The following NRXN1 variants were observed in gnomAD, a reference collection of about 807,000 sequenced individuals.
NRXN1 encodes neurexin 1, also known as neurexin-1.
A neutral mutation model predicts 150.9 loss-of-function variants in NRXN1; 39 were observed. The observed-to-expected ratio is 0.26, with a 90% confidence interval of 0.20 to 0.34. The LOEUF is 0.34. Among genes scored for constraint, NRXN1 ranks in the 10% least tolerant of loss-of-function variants. The pLI is 1.00. For missense variants in NRXN1, 1,815 were observed against 1,949.9 expected, an observed-to-expected ratio of 0.93 and a Z score of 1.30; for synonymous variants, 924 against 757.0, an observed-to-expected ratio of 1.22 and a Z score of -3.62.
chr2:50,666,870 ATGATGATGATG>A (rs1384457952), intron 5 of NRXN1, among the ~76,000 whole-genome samples: 1 of 85,468 alleles, frequency 1.2e-5, no homozygotes, highest in Non-Finnish European at 2.5e-5. Context: ...GATGATGATG[ATGATGATGATG>A]TGTGTGTGTG....
In NRXN1 at chr2:51,028,595, G is replaced by A. The variant is rs200534421; in HGVS notation, c.-322C>T. ...GGCTTCAACAAAAGATCAAGGGAAA[G>A]CACTGACCCATTTGAGTCTGATTAA... On this transcript the variant is annotated 5_prime_UTR_variant, in exon 2 of 23. Transcript: ENST00000401669. 3 of 299,856 alleles carry A rather than the reference G, an allele frequency of 1.0e-5. No homozygotes were observed. The highest frequency in any genetic ancestry group is 1.2e-5 in the Non-Finnish European group (2 of 163,472). 18.6% of individuals were successfully genotyped at this position (299,856 alleles called of 1,614,324 possible).
chr2:50,350,719 T>C (rs2078347976), intron 17 of NRXN1, among the ~76,000 whole-genome samples: 1 of 152,168 alleles, frequency 6.6e-6, no homozygotes. Context: ...ATTAGGAAGA[T>C]GCTTCCCCTC....
At chr2:50,542,319 G>A (rs897546975) in intron 9 of NRXN1, among the ~76,000 whole-genome samples, 2 of 151,900 alleles carry the variant, frequency 1.3e-5, no homozygotes, top group African/African-American at 4.8e-5. Flanking sequence ...TAGAGAACAA[G>A]CAACAAAACA....
intron 21 of NRXN1, among the ~76,000 whole-genome samples, chr2:50,043,823 TGGGGA>T (rs1460877639): frequency 6.6e-6 from 1 of 152,168 alleles, no homozygotes; most frequent in African/African-American, 2.4e-5. Context: ...TCCAATATTT[TGGGGA>T]ATCTATAGTT....
chr2:50,238,214 T>A (rs1051816572), intron 17 of NRXN1, among the ~76,000 whole-genome samples: 6 of 152,188 alleles, frequency 3.9e-5, no homozygotes, highest in Non-Finnish European at 8.8e-5. Context: ...TCTATTATTT[T>A]GAGGTCCTGA....
At chr2:50,898,075 G>C (rs1278151441) in intron 5 of NRXN1, among the ~76,000 whole-genome samples, 1 of 152,104 alleles carries the variant, frequency 6.6e-6, no homozygotes, top group Admixed American at 6.6e-5. Context: ...TTCTTGAATT[G>C]CATTAGGTCT....
chr2:50,724,708 T>G (rs574682107), intron 5 of NRXN1, among the ~76,000 whole-genome samples: 3 of 152,162 alleles, frequency 2.0e-5, no homozygotes, highest in Admixed American at 1.3e-4. Context: ...AAGCAAACAA[T>G]ACACATGAAC....
chr2:50,848,650 T>C (rs1333410150), intron 5 of NRXN1, among the ~76,000 whole-genome samples: 1 of 152,202 alleles, frequency 6.6e-6, no homozygotes, highest in African/African-American at 2.4e-5. Context: ...GAAAACTTTG[T>C]ATAATTTATT....
At chr2:51,006,112 C>T (rs1422226524) in intron 2 of NRXN1, among the ~76,000 whole-genome samples, 4 of 151,706 alleles carry the variant, frequency 2.6e-5, no homozygotes, top group Non-Finnish European at 5.9e-5. Flanking sequence ...AAATCTATTG[C>T]CAGTCATTGA....
intron 8 of NRXN1, among the ~76,000 whole-genome samples, chr2:50,595,009 A>C (rs1284185499): frequency 6.6e-6 from 1 of 151,982 alleles, no homozygotes; most frequent in Non-Finnish European, 1.5e-5. Flanking sequence ...TAAAAAAAAA[A>C]AAAAACAAGC....
At chr2:50,678,547 C>G (rs1689876595) in intron 5 of NRXN1, among the ~76,000 whole-genome samples, 1 of 152,118 alleles carries the variant, frequency 6.6e-6, no homozygotes, top group South Asian at 2.1e-4. Context: ...TATCACTGAC[C>G]AGCATTGGAA....
chr2:50,263,067 T>C (rs1242070490), intron 17 of NRXN1, among the ~76,000 whole-genome samples: 1 of 151,822 alleles, frequency 6.6e-6, no homozygotes, highest in African/African-American at 2.4e-5. Flanking sequence ...ACTGGCTGAA[T>C]TTTGTCTATC....
intron 2 of NRXN1, among the ~76,000 whole-genome samples, chr2:50,960,044 T>C (rs1692897222): frequency 6.6e-6 from 1 of 152,050 alleles, no homozygotes; most frequent in South Asian, 2.1e-4. Context: ...AAAGTACTAC[T>C]TTGACTCTTC....
chr2:50,114,841 G>C (rs1205386309), intron 18 of NRXN1, among the ~76,000 whole-genome samples: 1 of 151,966 alleles, frequency 6.6e-6, no homozygotes, highest in African/African-American at 2.4e-5. Context: ...AGAACACATT[G>C]GTTGCCAGGA....
At chr2:50,581,047 T>C (rs1672189642) in intron 8 of NRXN1, among the ~76,000 whole-genome samples, 1 of 152,060 alleles carries the variant, frequency 6.6e-6, no homozygotes, top group Admixed American at 6.6e-5. Context: ...CTGAGACAAA[T>C]CAACAGAATT....
At chr2:50,214,606 T>TA (rs2063263067) in intron 18 of NRXN1, among the ~76,000 whole-genome samples, 1 of 151,982 alleles carries the variant, frequency 6.6e-6, no homozygotes, top group African/African-American at 2.4e-5. Context: ...AATTCAAATA[T>TA]AGTCTGTATT....
At chr2:50,920,496 C>T (rs1038677877) in intron 5 of NRXN1, among the ~76,000 whole-genome samples, 1 of 151,606 alleles carries the variant, frequency 6.6e-6, no homozygotes, top group African/African-American at 2.4e-5. Context: ...ATACATGCAT[C>T]CATACAAATA....
intron 18 of NRXN1, among the ~76,000 whole-genome samples, chr2:50,148,275 A>C (rs2152768566): frequency 6.6e-6 from 1 of 151,704 alleles, no homozygotes; most frequent in South Asian, 2.1e-4. Context: ...TGATTACATG[A>C]CTAGCAAGTT....
chr2:49,999,607 T>C (rs917876579), intron 21 of NRXN1, among the ~76,000 whole-genome samples: 5 of 152,246 alleles, frequency 3.3e-5, no homozygotes, highest in Admixed American at 1.3e-4. Context: ...AATGAGACAA[T>C]AGTATAATAA....
Sources: allele counts gnomAD v4.1 joint callset (sites outside exome capture counted in the v4.1 genomes callset), GRCh38; gene constraint gnomAD v4.1.1; transcripts MANE v1.5; gene names NCBI Gene and HGNC (gene_info 2026-07-23, HGNC 2026-07-21).